Variants in ESF1 observed in about 807,000 individuals in gnomAD.
ESF1 encodes the protein ESF1 homolog.
Under a neutral mutation model 92.0 loss-of-function variants are expected in ESF1, and 58 were observed. That is an observed-to-expected ratio of 0.63 (90% CI 0.51 to 0.78). The LOEUF is 0.78. Ranked by LOEUF, ESF1 falls within the 30% of genes least tolerant of loss-of-function variation. The probability of loss-of-function intolerance (pLI) is 0.00; values close to 1 mark genes in which losing one functional copy is unlikely to be tolerated. For missense variants in ESF1, 922 were observed against 989.1 expected, an observed-to-expected ratio of 0.93 and a Z score of 0.91; for synonymous variants, 321 against 313.7, an observed-to-expected ratio of 1.02 and a Z score of -0.24.
chr20:13,771,235 G>T, intron 6 of ESF1, 96 bp downstream of exon 6: 1 of 1,191,662 alleles, frequency 8.4e-7, no homozygotes, highest in Non-Finnish European at 1.2e-6. Context: ...AATCATTTTA[G>T]AATATAAAAC....
At chr20:13,772,697 A>G in intron 4 of ESF1, 82 bp from the exon 5 acceptor site, 1 of 968,774 alleles carries the variant, frequency 1.0e-6, no homozygotes, top group Non-Finnish European at 1.6e-6. Flanking sequence ...AGGAACTCTA[A>G]AAGTCACAAC....
Position 13,728,616 on chromosome 20 carries a change from G to A in ESF1, c.1951-151C>T, listed in dbSNP as rs997983730. Reference sequence around the variant, plus strand: ...GCGTGGTGGCTCACGCCTGTAATCTGAGCACTTTGGGAGGCCAAGGCGGGT... The same window carrying A: ...GCGTGGTGGCTCACGCCTGTAATCTAAGCACTTTGGGAGGCCAAGGCGGGT... On this transcript the variant is annotated intron_variant, in intron 10 of 13. Transcript: ENST00000617257. The A allele has an allele frequency of 1.2e-5, 8 of 641,314 alleles. No homozygotes were observed. In the African/African-American group the frequency reaches 1.5e-4, roughly 12 times the overall value. The allele number at this position is 641,314 out of a possible 1,614,324, so 39.7% of individuals were successfully genotyped here. A position where few individuals can be genotyped will look rare whatever the true frequency, so the allele number is the denominator to read the frequency against.
Position 13,775,976 on chromosome 20 carries a change from G to T in ESF1, c.932C>A (p.Thr311Asn). 6.2e-7 allele frequency: 1 copy of T among 1,613,808 alleles called. No homozygotes were observed. Among genetic ancestry groups the T allele is most frequent in the South Asian group, 1.1e-5 (1 of 91,064 alleles). ...DLARGKGNIE[T>N]SSEDEDDTAD... ...CGTATCATCTTCATCTTCAGAACTA[G>T]TTTCTATATTTCCTTTACCCCTTGC... is the stretch of plus-strand genomic sequence containing the variant. The change falls in exon 3 of 14, where the codon ACT becomes AAT. Residue 311 changes from threonine to asparagine, a missense_variant. Physicochemically the swap from Thr to Asn is moderately conservative, Grantham distance 65 (BLOSUM62 0). Coordinates refer to ENST00000617257, the MANE Select transcript of ESF1 (RefSeq NM_001276380.2).
chr20:13,716,248 G>A (rs372241611), intron 13 of ESF1, among the ~76,000 whole-genome samples: 11 of 152,058 alleles, frequency 7.2e-5, no homozygotes, highest in African/African-American at 1.9e-4. Flanking sequence ...TTTGGTAGAC[G>A]GCTCAAACTC....
chr20:13,747,972 T>C (rs1978357462), intron 9 of ESF1, among the ~76,000 whole-genome samples: 1 of 152,172 alleles, frequency 6.6e-6, no homozygotes, highest in Non-Finnish European at 1.5e-5. Flanking sequence ...TGTAACACAA[T>C]AGTAGTATTT....
chr20:13,784,183 T>G (rs1980475530), intron 1 of ESF1, among the ~76,000 whole-genome samples: 2 of 152,046 alleles, frequency 1.3e-5, no homozygotes, highest in Admixed American at 1.3e-4. Context: ...TATACATATG[T>G]GTGTATAAAT....
intron 13 of ESF1, 65 bp downstream of exon 13, chr20:13,717,303 A>C: frequency 2.5e-6 from 4 of 1,568,748 alleles, no homozygotes; most frequent in South Asian, 2.3e-5. Flanking sequence ...CTCAATTTCT[A>C]TCTGCAGAGC....
At chr20:13,738,833 G>A (rs2049992965) in intron 9 of ESF1, among the ~76,000 whole-genome samples, 1 of 152,080 alleles carries the variant, frequency 6.6e-6, no homozygotes, top group Non-Finnish European at 1.5e-5. Context: ...CCTTATAAAT[G>A]TCTGCTGAAT....
chr20:13,751,055 A>G (rs573548424), intron 9 of ESF1, among the ~76,000 whole-genome samples: 2 of 152,228 alleles, frequency 1.3e-5, no homozygotes, highest in Non-Finnish European at 2.9e-5. Flanking sequence ...ATGTAATAAA[A>G]GGTTATTATG....
intron 3 of ESF1, 29 bp downstream of exon 3, chr20:13,775,844 C>G (rs772350788): frequency 6.4e-7 from 1 of 1,558,426 alleles, no homozygotes; most frequent in East Asian, 2.2e-5. Context: ...GTGTTTTTCA[C>G]AAATAATCTT....
Position 13,714,494 on chromosome 20 carries a change from T to C in ESF1, c.*380A>G, listed in dbSNP as rs1171355515. ...CAGAGAAATTAATGTATTAAATATA[T>C]ATATTTTTCAAATTATCCCTAACAT... On this transcript the variant is annotated 3_prime_UTR_variant, in exon 14 of 14. Coordinates refer to ENST00000617257, the MANE Select transcript of ESF1 (RefSeq NM_001276380.2). The C allele has an allele frequency of 3.3e-5, 5 of 153,522 alleles. No homozygotes were observed. The highest frequency in any genetic ancestry group is 1.2e-4 in the African/African-American group (5 of 41,484). The allele number at this position is 153,522 out of a possible 1,614,324, so 9.5% of individuals were successfully genotyped here. A position where few individuals can be genotyped will look rare whatever the true frequency, so the allele number is the denominator to read the frequency against.
rs71188184 is a variant in ESF1 at position 13,749,232 on chromosome 20, ATTTTTTTT to A, written c.1828+10452_1828+10459del. Among the ~76,000 whole-genome samples the A allele has an allele frequency of 5.9e-4, 53 of 89,684 alleles. 1 individual carries two copies. The highest frequency in any genetic ancestry group is 1.6e-3 in the South Asian group (3 of 1,878). The allele number at this position is 89,684 out of a possible 152,430, so 58.8% of individuals were successfully genotyped here. ...AGGCACCTGCCATCATGCCCGGCTA[ATTTTTTTT>A]TTTTTTTTTTTTTTTTTTGTATTTT... On this transcript the variant is annotated intron_variant, in intron 9 of 13. Transcript: ENST00000617257.
rs71188180 is a variant in ESF1, at chr20:13,716,804, A to ATTTTTTTTTTTTTTTT, written c.2262+548_2262+563dup. Among the ~76,000 whole-genome samples the ATTTTTTTTTTTTTTTT allele has an allele frequency of 7.0e-4, 32 of 45,916 alleles. 4 individuals carry two copies. Among genetic ancestry groups the ATTTTTTTTTTTTTTTT allele is most frequent in the East Asian group, 1.6e-3 (2 of 1,224 alleles). 30.1% of individuals were successfully genotyped at this position (45,916 alleles called of 152,430 possible). A position where few individuals can be genotyped will look rare whatever the true frequency, so the allele number is the denominator to read the frequency against. ...TACAGGTGTGCGCCACTATACCTGG[A>ATTTTTTTTTTTTTTTT]TTTTTTTTTTTTTTTTTTTTTTTTT... is the stretch of plus-strand genomic sequence containing the variant. On this transcript the variant is annotated intron_variant, in intron 13 of 13. Coordinates refer to ENST00000617257, the MANE Select transcript of ESF1 (RefSeq NM_001276380.2).
intron 8 of ESF1, among the ~76,000 whole-genome samples, chr20:13,765,380 A>T (rs1455719786): frequency 6.6e-6 from 1 of 152,258 alleles, no homozygotes. Flanking sequence ...TTAAGAAAAG[A>T]AAGAAAAGTT....
Position 13,717,363 on chromosome 20 carries a change from G to A in ESF1, c.2262+5C>T. The A allele has an allele frequency of 6.2e-7, 1 of 1,613,712 alleles. No individual in the cohort carries two copies. Among genetic ancestry groups the A allele is most frequent in the Non-Finnish European group, 8.5e-7 (1 of 1,179,880 alleles). On this transcript the variant is annotated splice_donor_5th_base_variant and intron_variant, in intron 13 of 13. Transcript: ENST00000617257. ...TAAGAGGCTATGCCTGGTGTCTATG[G>A]TTACCTCAAAGTCATCCTCTATTAA...
chr20:13,748,572 GTGTATA>G (rs1371793390), intron 9 of ESF1, among the ~76,000 whole-genome samples: 1 of 43,898 alleles, frequency 2.3e-5, no homozygotes, highest in Non-Finnish European at 4.2e-5. Flanking sequence ...ATATGTGTGT[GTGTATA>G]TATATATATA....
chr20:13,772,801 T>C (rs1227415499), intron 4 of ESF1, among the ~76,000 whole-genome samples, 186 bp from the exon 5 acceptor site: 1 of 152,140 alleles, frequency 6.6e-6, no homozygotes, highest in Non-Finnish European at 1.5e-5. Context: ...ATAGATCACT[T>C]TGGCTAGAGA....
At chr20:13,717,849 C>T (rs1187513480) in intron 12 of ESF1, among the ~76,000 whole-genome samples, 1 of 152,106 alleles carries the variant, frequency 6.6e-6, no homozygotes, top group Non-Finnish European at 1.5e-5. Context: ...TTCTCATTTT[C>T]ACTTTGTTCT....
intron 9 of ESF1, among the ~76,000 whole-genome samples, chr20:13,743,789 TCTAGCGTACA>T (rs368180097): frequency 8.5e-5 from 13 of 152,298 alleles, no homozygotes; most frequent in African/African-American, 1.4e-4. Flanking sequence ...AGTTCTGGGA[TCTAGCGTACA>T]GAATGGGTGG....
Sources: gnomAD v4.1 joint callset for allele counts (sites outside exome capture counted in the v4.1 genomes callset) on GRCh38, gnomAD v4.1.1 for gene constraint, MANE v1.5 for transcripts, NCBI Gene and HGNC (gene_info 2026-07-23, HGNC 2026-07-21) for gene names.